ZNF248: variants seen among roughly 807,000 people sequenced by gnomAD.
ZNF248 encodes KRAB protein domain.
ZNF248 carries 20 observed loss-of-function variants against 44.3 expected under a neutral mutation model. That is an observed-to-expected ratio of 0.45 (90% CI 0.32 to 0.66). The LOEUF is 0.66. ZNF248 is among the 30% of genes least tolerant of loss of function. The pLI, the probability that ZNF248 is intolerant of heterozygous loss-of-function variation, is 0.04. For synonymous variants in ZNF248, 224 were observed against 229.0 expected, an observed-to-expected ratio of 0.98 and a Z score of 0.20; for missense variants, 654 against 677.0, an observed-to-expected ratio of 0.97 and a Z score of 0.38.
downstream of ZNF248, among the ~76,000 whole-genome samples, chr10:37,773,988 T>TACACACACAC (rs139568981): frequency 4.5e-4 from 67 of 149,254 alleles, no homozygotes; most frequent in Admixed American, 9.4e-4. Flanking sequence ...TGAAAATGAA[T>TACACACACAC]ACACACACAC....
intron 6 of ZNF248, among the ~76,000 whole-genome samples, chr10:37,791,107 G>T: frequency 8.7e-6 from 1 of 115,478 alleles, no homozygotes; most frequent in Non-Finnish European, 1.6e-5. Flanking sequence ...AGGCTGTAGT[G>T]CAGTGGTGCG....
At chr10:37,770,243 T>C in the ZNF248 span, among the ~76,000 whole-genome samples, 4 of 152,136 alleles carry the variant, frequency 2.6e-5, no homozygotes, top group African/African-American at 9.7e-5. Context: ...AAGCTACCAA[T>C]CACTTTCTTC....
chr10:37,777,542 T>A (rs1223563225), intron 6 of ZNF248, among the ~76,000 whole-genome samples: 1 of 152,080 alleles, frequency 6.6e-6, no homozygotes, highest in Non-Finnish European at 1.5e-5. Flanking sequence ...ACTCTTTTTT[T>A]TTTTTTTTTC....
the ZNF248 span, among the ~76,000 whole-genome samples, chr10:37,768,903 G>A: frequency 6.6e-6 from 1 of 151,650 alleles, no homozygotes; most frequent in Non-Finnish European, 1.5e-5. Flanking sequence ...AAAGAGAGAA[G>A]AATCAAACAG....
At chr10:37,771,541 G>A (rs1174468715), downstream of ZNF248, among the ~76,000 whole-genome samples, 16 of 148,252 alleles carry the variant, frequency 1.1e-4, no homozygotes, top group East Asian at 6.3e-4. Flanking sequence ...TCAAAACACC[G>A]CATGTTCTCA....
intron 6 of ZNF248, among the ~76,000 whole-genome samples, chr10:37,788,555 A>G (rs956939937): frequency 6.6e-6 from 1 of 152,156 alleles, no homozygotes; most frequent in African/African-American, 2.4e-5. Context: ...TGGGAGGTGG[A>G]GGTTGCAGTG....
chr10:37,766,442 C>T, the ZNF248 span, among the ~76,000 whole-genome samples: 7 of 152,298 alleles, frequency 4.6e-5, no homozygotes, highest in East Asian at 3.9e-4. Flanking sequence ...GCAGCATTTG[C>T]GGTTCACCAA....
At chr10:37,790,784 AG>A (rs141242038) in intron 6 of ZNF248, among the ~76,000 whole-genome samples, 8,932 of 150,594 alleles carry the variant, frequency 0.059, 340 homozygotes, top group Middle Eastern at 0.095. Flanking sequence ...GCCAAGTGTG[AG>A]TGTGCACTCC....
At chr10:37,812,861 TG>T (rs1455038720) in intron 6 of ZNF248, among the ~76,000 whole-genome samples, 9 of 152,108 alleles carry the variant, frequency 5.9e-5, no homozygotes, top group African/African-American at 2.2e-4. Flanking sequence ...CCACTGGCAC[TG>T]AAGATGGCGT....
chr10:37,775,677 C>G (rs2046530417), downstream of ZNF248: 1 of 152,172 alleles, frequency 6.6e-6, no homozygotes, highest in African/African-American at 2.4e-5. Context: ...TAATCCGGGA[C>G]TAATTCAACA....
intron 6 of ZNF248, among the ~76,000 whole-genome samples, chr10:37,788,876 C>CTT (rs58103226): frequency 3.5e-4 from 51 of 146,386 alleles, no homozygotes; most frequent in South Asian, 1.1e-3. Flanking sequence ...TCTAGAAAGA[C>CTT]TTTTTTTTTT....
At chr10:37,793,990 C>T (rs1444111173) in intron 6 of ZNF248, among the ~76,000 whole-genome samples, 1 of 152,068 alleles carries the variant, frequency 6.6e-6, no homozygotes, top group African/African-American at 2.4e-5. Flanking sequence ...AAATCCTAGA[C>T]TAATAATTTG....
At chr10:37,776,884 C>A (rs369186822) in intron 6 of ZNF248, among the ~76,000 whole-genome samples, 1 of 152,164 alleles carries the variant, frequency 6.6e-6, no homozygotes, top group African/African-American at 2.4e-5. Context: ...ACCCTCAGAC[C>A]GTCAGTTTTC....
chr10:37,816,523 G>T lies in ZNF248; in HGVS notation c.330+16502C>A, dbSNP rs547505831. Among the ~76,000 whole-genome samples the T allele has an allele frequency of 4.6e-5, 7 of 152,262 alleles. No individual in the cohort carries two copies. In the East Asian group the frequency reaches 1.4e-3, roughly 29 times the overall value. On this transcript the variant is annotated intron_variant, in intron 6 of 6. Transcript: ENST00000615949. ...AACAGCTTCTGAGGTCAGTACTGGA[G>T]GTTTGTTCTGACACAAGGGGGGCCT...
intron 3 of ZNF248, among the ~76,000 whole-genome samples, chr10:37,840,393 A>C (rs1174650121): frequency 6.6e-6 from 1 of 152,242 alleles, no homozygotes; most frequent in African/African-American, 2.4e-5. Context: ...CACGTCACCA[A>C]AGACAGACCA....
At chr10:37,777,692 C>T (rs1394676800) in intron 6 of ZNF248, among the ~76,000 whole-genome samples, 8 of 126,438 alleles carry the variant, frequency 6.3e-5, no homozygotes, top group Non-Finnish European at 1.3e-4. Context: ...CCCCTCCCCC[C>T]ACCCCACAAC....
At chr10:37,825,194 C>G (rs1010627308), downstream of ZNF248, among the ~76,000 whole-genome samples, 11 of 152,122 alleles carry the variant, frequency 7.2e-5, no homozygotes, top group African/African-American at 2.4e-4. Flanking sequence ...AAGAAAATAT[C>G]TTAATAATCT....
At chr10:37,770,430 A>T in the ZNF248 span, among the ~76,000 whole-genome samples, 2 of 152,232 alleles carry the variant, frequency 1.3e-5, no homozygotes, top group African/African-American at 4.8e-5. Context: ...ACAGATATAG[A>T]TCAATAGAAC....
At chr10:37,853,539 G>A (rs1011986812) in intron 3 of ZNF248, among the ~76,000 whole-genome samples, 9 of 151,982 alleles carry the variant, frequency 5.9e-5, no homozygotes, top group Non-Finnish European at 1.2e-4. Context: ...CACCATGCCC[G>A]GCTAATTTTT....
Sources: allele counts gnomAD v4.1 joint callset (sites outside exome capture counted in the v4.1 genomes callset), GRCh38; gene constraint gnomAD v4.1.1; transcripts MANE v1.5; gene names NCBI Gene and HGNC (gene_info 2026-07-23, HGNC 2026-07-21).